The following ARHGAP22 variants were observed in gnomAD, a reference collection of about 807,000 sequenced individuals.
The protein encoded by ARHGAP22 is Rho GTPase activating protein 22.
In ARHGAP22, 48 loss-of-function variants were observed where a neutral mutation model predicts 59.1. The ratio of observed to expected loss-of-function variants is 0.81; its 90% CI spans 0.64 to 1.03. ARHGAP22 has a LOEUF of 1.03. ARHGAP22 is among the 50% of genes least tolerant of loss of function. The pLI is 0.00. For missense variants in ARHGAP22, 1,015 were observed against 958.7 expected (o/e 1.06, Z -0.78); for synonymous variants, 445 against 416.4 (o/e 1.07, Z -0.84).
At chr10:48,531,967 G>T (rs2054893767) in intron 3 of ARHGAP22, among the ~76,000 whole-genome samples, 2 of 152,210 alleles carry the variant, frequency 1.3e-5, no homozygotes, top group Admixed American at 1.3e-4. Flanking sequence ...AATAATGTCT[G>T]TCTCCTGCCA....
intron 1 of ARHGAP22, among the ~76,000 whole-genome samples, chr10:48,639,794 CTAACAACCA>C (rs1202531823): frequency 6.6e-6 from 1 of 151,850 alleles, no homozygotes; most frequent in Non-Finnish European, 1.5e-5. Flanking sequence ...TGCCCACTTT[CTAACAACCA>C]AAAAACAAAA....
At chr10:48,482,019 A>G (rs762695692) in intron 3 of ARHGAP22, among the ~76,000 whole-genome samples, 3 of 152,142 alleles carry the variant, frequency 2.0e-5, no homozygotes, top group Non-Finnish European at 2.9e-5. Context: ...CCTTTACCAG[A>G]TATTTGCTTT....
At chr10:48,564,524 T>C (rs2057922321) in intron 2 of ARHGAP22, among the ~76,000 whole-genome samples, 1 of 152,214 alleles carries the variant, frequency 6.6e-6, no homozygotes, top group Admixed American at 6.5e-5. Context: ...TGTTTTGCCC[T>C]ATAATGTTTG....
chr10:48,560,207 G>A (rs1036559271), intron 2 of ARHGAP22, among the ~76,000 whole-genome samples: 1 of 152,084 alleles, frequency 6.6e-6, no homozygotes, highest in African/African-American at 2.4e-5. Context: ...ATGAATTTTA[G>A]AATCAGCTAG....
intron 5 of ARHGAP22, among the ~76,000 whole-genome samples, chr10:48,458,799 C>G (rs1048182325): frequency 1.3e-5 from 2 of 152,170 alleles, no homozygotes; most frequent in Admixed American, 6.5e-5. Flanking sequence ...AAGGGTCCCC[C>G]GTACCTCCCT....
chr10:48,536,367 T>C (rs543450239), intron 3 of ARHGAP22, among the ~76,000 whole-genome samples: 2 of 152,320 alleles, frequency 1.3e-5, no homozygotes, highest in South Asian at 4.1e-4. Context: ...CAGGGGACCT[T>C]CATGCTAGAG....
rs559486135 is a variant in ARHGAP22, at chr10:48,555,959, A to G, written c.235-409T>C. ...GCAACATGGGGGAAAGGATCAACAG[A>G]TCTGTGTGCGTCCAGTCCTGCCACG... On this transcript the variant is annotated intron_variant, in intron 2 of 9. Coordinates refer to ENST00000249601, the MANE Select transcript of ARHGAP22 (RefSeq NM_021226.4). Among the ~76,000 whole-genome samples the G allele has an allele frequency of 2.0e-5, 3 of 152,228 alleles. No individual in the cohort carries two copies. In the East Asian group the frequency reaches 5.8e-4, roughly 29 times the overall value.
chr10:48,518,327 GAC>G (rs1390704952), intron 3 of ARHGAP22, among the ~76,000 whole-genome samples: 1 of 152,178 alleles, frequency 6.6e-6, no homozygotes, highest in Non-Finnish European at 1.5e-5. Context: ...GCAAGCATAA[GAC>G]AGAGTCTGCC....
rs3076347 is a variant in ARHGAP22, at chr10:48,578,524, A to ATGTG, written c.234+4425_234+4428dup. The stretch of plus-strand genomic sequence containing the variant: ...TAACTACAGAAGTATTATGCAGTGT[A>ATGTG]TGTGTGTGTGTGTGTGTGTGTGTGT... On this transcript the variant is annotated intron_variant, in intron 2 of 9. Coordinates refer to ENST00000249601, the MANE Select transcript of ARHGAP22 (RefSeq NM_021226.4). 1.7e-3 allele frequency among the ~76,000 whole-genome samples: 249 copies of ATGTG among 150,176 alleles called. 1 individual carries two copies. The highest frequency in any genetic ancestry group is 5.4e-3 in the African/African-American group (219 of 40,838).
chr10:48,436,999 A>G, the ARHGAP22 span: 1 of 152,244 alleles, frequency 6.6e-6, no homozygotes, highest in South Asian at 2.1e-4. Flanking sequence ...TTCACAGCAG[A>G]CATGCTTTCA....
intron 3 of ARHGAP22, among the ~76,000 whole-genome samples, chr10:48,545,317 C>G (rs1216450765): frequency 6.6e-6 from 1 of 152,166 alleles, no homozygotes; most frequent in East Asian, 1.9e-4. Flanking sequence ...CTCAAGGGGA[C>G]TCTTTCCAGG....
At chr10:48,548,849 G>A (rs2056674016) in intron 3 of ARHGAP22, among the ~76,000 whole-genome samples, 1 of 152,210 alleles carries the variant, frequency 6.6e-6, no homozygotes, top group Non-Finnish European at 1.5e-5. Flanking sequence ...TCCCTTTGTG[G>A]GGCCTGGCTC....
At chr10:48,555,883 G>A (rs991730753) in intron 2 of ARHGAP22, among the ~76,000 whole-genome samples, 6 of 152,212 alleles carry the variant, frequency 3.9e-5, no homozygotes, top group African/African-American at 1.2e-4. Flanking sequence ...GGGCCAGCAG[G>A]GTTTCAGGCT....
chr10:48,539,054 T>C (rs1206915849), intron 3 of ARHGAP22, among the ~76,000 whole-genome samples: 3 of 152,308 alleles, frequency 2.0e-5, no homozygotes, highest in East Asian at 3.9e-4. Flanking sequence ...TGGAAATTAG[T>C]TTGAAATTTA....
chr10:48,437,021 T>C, the ARHGAP22 span: 1 of 152,224 alleles, frequency 6.6e-6, no homozygotes, highest in African/African-American at 2.4e-5. Context: ...AAGGTTCTCA[T>C]ATTTTATGTT....
chr10:48,638,729 G>C (rs565859342), intron 1 of ARHGAP22, among the ~76,000 whole-genome samples: 1 of 152,118 alleles, frequency 6.6e-6, no homozygotes, highest in Non-Finnish European at 1.5e-5. Context: ...ACCGTGCAAA[G>C]AGCTCTATCT....
At chr10:48,592,129 T>C (rs1319755154) in intron 1 of ARHGAP22, among the ~76,000 whole-genome samples, 1 of 152,218 alleles carries the variant, frequency 6.6e-6, no homozygotes, top group Admixed American at 6.5e-5. Flanking sequence ...GGTTAGCTTC[T>C]CTTTTATCCA....
At chr10:48,571,235 C>T (rs751473186) in intron 2 of ARHGAP22, among the ~76,000 whole-genome samples, 6 of 152,280 alleles carry the variant, frequency 3.9e-5, no homozygotes, top group Non-Finnish European at 8.8e-5. Context: ...CAGTAGACCA[C>T]TCCATCAGAA....
intron 3 of ARHGAP22, among the ~76,000 whole-genome samples, chr10:48,505,605 C>A (rs1176551890): frequency 6.6e-6 from 1 of 152,120 alleles, no homozygotes; most frequent in Non-Finnish European, 1.5e-5. Context: ...AGAACTCCTC[C>A]TTGTGGTTGG....
Sources: allele counts gnomAD v4.1 joint callset (sites outside exome capture counted in the v4.1 genomes callset), GRCh38; gene constraint gnomAD v4.1.1; transcripts MANE v1.5; gene names NCBI Gene and HGNC (gene_info 2026-07-23, HGNC 2026-07-21).